ALPK2: variants seen among roughly 807,000 people sequenced by gnomAD.
ALPK2 encodes alpha kinase 2, also known as alpha-protein kinase 2.
In ALPK2, 127 loss-of-function variants were observed where a neutral mutation model predicts 163.1. The observed-to-expected ratio is 0.78, with a 90% CI of 0.67 to 0.90. The LOEUF (loss-of-function observed/expected upper bound fraction) is 0.90, where lower values mean the gene tolerates loss of function less well. ALPK2 is among the 40% of genes least tolerant of loss of function. The probability of loss-of-function intolerance (pLI) is 0.00; values close to 1 mark genes in which losing one functional copy is unlikely to be tolerated. For missense variants in ALPK2, 2,360 were observed against 2,589.6 expected (o/e 0.91, Z 1.92); for synonymous variants, 953 against 959.1 (o/e 0.99, Z 0.12).
chr18:58,609,023 G>A (rs954753859), intron 2 of ALPK2, among the ~76,000 whole-genome samples: 3 of 151,684 alleles, frequency 2.0e-5, no homozygotes, highest in East Asian at 1.9e-4. Context: ...AAAGACAAAC[G>A]AAGTACAGAG....
chr18:58,594,440 G>A (rs2052031332), intron 3 of ALPK2, among the ~76,000 whole-genome samples: 1 of 152,146 alleles, frequency 6.6e-6, no homozygotes, highest in African/African-American at 2.4e-5. Flanking sequence ...GAAATCTTAA[G>A]GAGCATTGTG....
Position 58,580,374 on chromosome 18 carries a change from T to C in ALPK2, c.402A>G (p.Glu134=). 1 of 1,614,204 alleles carries C rather than the reference T, an allele frequency of 6.2e-7. No individual in the cohort carries two copies. The highest frequency in any genetic ancestry group is 8.5e-7 in the Non-Finnish European group (1 of 1,180,024). The part of the protein sequence containing the change: ...GWKHETGTHE[E]ERANQIDEKE... ...TCTCATCAATCTGATTTGCCCTTTC[T>C]TCTTCATGTGTCCCTGTTTCATGTT... The change falls in exon 4 of 13, where the codon GAA becomes GAG. Residue 134 remains glutamate, a synonymous_variant. Transcript: ENST00000361673.
chr18:58,481,594 C>G lies in ALPK2; in HGVS notation c.*229G>C, dbSNP rs10867. 0.16 allele frequency: 92,406 copies of G among 564,622 alleles called. 7,939 individuals carry two copies. The highest frequency in any genetic ancestry group is 0.26 in the Middle Eastern group (534 of 2,090). 35.0% of individuals were successfully genotyped at this position (564,622 alleles called of 1,614,324 possible). ...TATAAAGAATGGACTGTCTTTGAGA[C>G]CAATCGTTGATTCAATCTCCCCATA... On this transcript the variant is annotated 3_prime_UTR_variant, in exon 13 of 13. Transcript: ENST00000361673.
chr18:58,576,554 A>T (rs2051922871), intron 4 of ALPK2, among the ~76,000 whole-genome samples: 1 of 152,212 alleles, frequency 6.6e-6, no homozygotes, highest in Admixed American at 6.5e-5. Flanking sequence ...TATTATTTTT[A>T]AAAGTTGAAT....
At chr18:58,505,049 C>T (rs1320983368) in intron 10 of ALPK2, among the ~76,000 whole-genome samples, 1 of 151,966 alleles carries the variant, frequency 6.6e-6, no homozygotes, top group Non-Finnish European at 1.5e-5. Context: ...GGAAAACTTT[C>T]CCCTTTGTAC....
At position 58,535,105 on chromosome 18, in the gene ALPK2, T is replaced by C. The variant is rs977150542; in HGVS notation, c.5082A>G (p.Arg1694=). Residue 1694 remains arginine (R), a synonymous_variant, in exon 5 of 13, where the codon CGA becomes CGG. Transcript: ENST00000361673. The part of the protein sequence containing the change: ...SREREKSLEA[R]AGKSPGTLTA... ...TGAGGGTCCCTGGCGATTTGCCTGC[T>C]CGGGCTTCCAGGGACTTCTCTCTCT... 6.2e-7 allele frequency: 1 copy of C among 1,614,036 alleles called. No homozygotes were observed. The highest frequency in any genetic ancestry group is 8.5e-7 in the Non-Finnish European group (1 of 1,180,032).
chr18:58,614,986 T>C (rs1434599847), intron 1 of ALPK2, among the ~76,000 whole-genome samples: 2 of 151,402 alleles, frequency 1.3e-5, no homozygotes, highest in African/African-American at 4.9e-5. Flanking sequence ...TATGGATTTT[T>C]TTTTTTTTTG....
intron 4 of ALPK2, among the ~76,000 whole-genome samples, chr18:58,565,710 T>G (rs1446155206): frequency 1.3e-5 from 2 of 152,098 alleles, no homozygotes; most frequent in Non-Finnish European, 2.9e-5. Flanking sequence ...GTAATCAAAA[T>G]TATTGATATT....
At chr18:58,551,350 C>T (rs1282166999) in intron 4 of ALPK2, among the ~76,000 whole-genome samples, 2 of 152,168 alleles carry the variant, frequency 1.3e-5, no homozygotes, top group African/African-American at 2.4e-5. Context: ...CCTTGCCATT[C>T]CCTGACCTGT....
At chr18:58,495,998 T>G (rs529232428) in intron 12 of ALPK2, among the ~76,000 whole-genome samples, 2 of 152,342 alleles carry the variant, frequency 1.3e-5, no homozygotes, top group African/African-American at 4.8e-5. Context: ...TGGAAAATCC[T>G]TCTGGGGTCC....
chr18:58,556,040 T>TA (rs2051789187), intron 4 of ALPK2, among the ~76,000 whole-genome samples: 1 of 152,158 alleles, frequency 6.6e-6, no homozygotes, highest in Non-Finnish European at 1.5e-5. Flanking sequence ...CAGGCTGGTC[T>TA]CAAACTCCTG....
intron 12 of ALPK2, among the ~76,000 whole-genome samples, chr18:58,488,628 T>C (rs889026544): frequency 7.9e-5 from 12 of 151,784 alleles, no homozygotes; most frequent in African/African-American, 2.9e-4. Context: ...TCCTGCACTT[T>C]GGTAACCCAT....
chr18:58,566,024 A>T (rs559182080), intron 4 of ALPK2, among the ~76,000 whole-genome samples: 1 of 152,184 alleles, frequency 6.6e-6, no homozygotes, highest in Admixed American at 6.6e-5. Flanking sequence ...CTCATGATCC[A>T]CCTGCCTCGG....
rs751815241 is a variant in ALPK2 at position 58,578,848 on chromosome 18, G to C, written c.1928C>G (p.Thr643Arg). 1 of 1,613,782 alleles carries C rather than the reference G, an allele frequency of 6.2e-7. No homozygotes were observed. The highest frequency in any genetic ancestry group is 8.5e-7 in the Non-Finnish European group (1 of 1,179,966). The change falls in exon 4 of 13, where the codon ACA becomes AGA. Residue 643 changes from threonine (T) to arginine (R), a missense_variant. Transcript: ENST00000361673. Reference protein sequence around the residue: ...EGMQVNTLFETSQVPDWSDPP... With the variant: ...EGMQVNTLFERSQVPDWSDPP... ...ATCACTCCAGTCTGGAACCTGGCTTGTTTCAAATAGAGTATTAACTTGCAT... is the reference window on the plus strand; with the variant it reads ...ATCACTCCAGTCTGGAACCTGGCTTCTTTCAAATAGAGTATTAACTTGCAT...
At chr18:58,551,130 T>A (rs1006295689) in intron 4 of ALPK2, among the ~76,000 whole-genome samples, 3 of 151,994 alleles carry the variant, frequency 2.0e-5, no homozygotes, top group Admixed American at 1.3e-4. Flanking sequence ...AACCCACATT[T>A]TTTTTCTTAA....
intron 3 of ALPK2, among the ~76,000 whole-genome samples, chr18:58,587,389 A>C (rs1454192948): frequency 6.6e-6 from 1 of 152,246 alleles, no homozygotes; most frequent in East Asian, 1.9e-4. Flanking sequence ...AGAAACATAA[A>C]GTATTGCCCA....
chr18:58,615,491 A>T (rs1029649007), intron 1 of ALPK2, among the ~76,000 whole-genome samples: 1 of 152,258 alleles, frequency 6.6e-6, no homozygotes, highest in African/African-American at 2.4e-5. Flanking sequence ...GAATGATAAT[A>T]GTCTAAGGAT....
At chr18:58,565,731 GTTCC>G (rs74183271) in intron 4 of ALPK2, among the ~76,000 whole-genome samples, 22,714 of 145,708 alleles carry the variant, frequency 0.16, 1,951 homozygotes, top group Non-Finnish European at 0.2. Context: ...TCTCTTTTTT[GTTCC>G]TTCCTTCCTT....
intron 8 of ALPK2, among the ~76,000 whole-genome samples, chr18:58,520,428 CAAAA>C (rs61028795): frequency 4.7e-5 from 3 of 64,390 alleles, no homozygotes; most frequent in African/African-American, 8.1e-5. Context: ...GACTCCGTCT[CAAAA>C]AAAAAAAAAA....
Sources: allele counts gnomAD v4.1 joint callset (sites outside exome capture counted in the v4.1 genomes callset), GRCh38; gene constraint gnomAD v4.1.1; transcripts MANE v1.5; gene names NCBI Gene and HGNC (gene_info 2026-07-23, HGNC 2026-07-21).